The following CDC26 variants were observed in gnomAD, a reference collection of about 807,000 sequenced individuals.
CDC26 encodes the protein cell division cycle 26.
In CDC26, 2 loss-of-function variants were observed where a neutral mutation model predicts 8.0. The ratio of observed to expected loss-of-function variants is 0.25; its 90% CI spans 0.10 to 0.79. The LOEUF (loss-of-function observed/expected upper bound fraction) is 0.79. Ranked by LOEUF, CDC26 falls within the 30% of genes least tolerant of loss-of-function variation. The probability of loss-of-function intolerance (pLI) is 0.70; values close to 1 mark genes in which losing one functional copy is unlikely to be tolerated. For synonymous variants in CDC26, 19 were observed against 34.9 expected, an observed-to-expected ratio of 0.55 and a Z score of 1.60; for missense variants, 68 against 106.0, an observed-to-expected ratio of 0.64 and a Z score of 1.57.
At chr9:113,272,691 C>A in intron 2 of CDC26, 143 bp from the exon 3 acceptor site, 15 of 354,884 alleles carry the variant, frequency 4.2e-5, no homozygotes, top group East Asian at 1.9e-4. Context: ...CTTCTAAAGT[C>A]TTTTTTTTTT....
chr9:113,269,071 A>G (rs1831911086), intron 3 of CDC26, among the ~76,000 whole-genome samples: 1 of 152,092 alleles, frequency 6.6e-6, no homozygotes, highest in African/African-American at 2.4e-5. Flanking sequence ...AAATTTAAAA[A>G]TTAGCCAGGC....
At position 113,275,535 on chromosome 9, in the gene CDC26, G is replaced by C. The variant is rs1042429439; in HGVS notation, c.-305C>G. On this transcript the variant is annotated 5_prime_UTR_variant, in exon 1 of 4. Transcript: ENST00000374206. ...CGAGCTTTTCCTGGAGGTTCTAGGA[G>C]GGATGCCCCTCAATGCCACGACGCC... is the stretch of plus-strand genomic sequence containing the variant. The C allele has an allele frequency of 7.4e-6, 4 of 541,854 alleles. No homozygotes were observed. Among genetic ancestry groups the C allele is most frequent in the Non-Finnish European group, 1.3e-5 (4 of 304,272 alleles). 33.6% of individuals were successfully genotyped at this position (541,854 alleles called of 1,614,324 possible).
At chr9:113,268,341 G>C (rs1831897169) in intron 3 of CDC26, among the ~76,000 whole-genome samples, 1 of 152,186 alleles carries the variant, frequency 6.6e-6, no homozygotes, top group Admixed American at 6.5e-5. Flanking sequence ...AAAGGTCTGG[G>C]TTTTGTGGCT....
chr9:113,273,789 G>A (rs952288950), intron 1 of CDC26, among the ~76,000 whole-genome samples: 82 of 132,846 alleles, frequency 6.2e-4, no homozygotes, highest in African/African-American at 1.6e-3. Context: ...GGTTGCCACC[G>A]TGAGCCATGA....
At chr9:113,272,615 C>A in intron 2 of CDC26, 67 bp from the exon 3 acceptor site, 3 of 766,034 alleles carry the variant, frequency 3.9e-6, no homozygotes, top group South Asian at 1.5e-5. Context: ...AACATAAAAT[C>A]AATTTGCAAG....
intron 3 of CDC26, among the ~76,000 whole-genome samples, chr9:113,270,524 G>A (rs1277865332): frequency 6.6e-6 from 1 of 152,144 alleles, no homozygotes; most frequent in African/African-American, 2.4e-5. Context: ...AAAAAATATG[G>A]TGCTTTGTGA....
chr9:113,272,400 C>CA (rs1355251325), intron 3 of CDC26, 27 bp downstream of exon 3: 4 of 1,567,570 alleles, frequency 2.6e-6, no homozygotes, highest in Non-Finnish European at 3.5e-6. Flanking sequence ...GACTCCATCT[C>CA]AAAAAAACAC....
chr9:113,270,481 A>T (rs1588002095), intron 3 of CDC26, among the ~76,000 whole-genome samples: 4 of 126,100 alleles, frequency 3.2e-5, no homozygotes, highest in South Asian at 5.7e-4. Context: ...ATTTTACAAT[A>T]AAAAAAATTG....
chr9:113,273,889 C>T (rs1832005137), intron 1 of CDC26, among the ~76,000 whole-genome samples: 1 of 145,288 alleles, frequency 6.9e-6, no homozygotes, highest in African/African-American at 2.5e-5. Flanking sequence ...CAAGGTAATA[C>T]TATGTTAACA....
intron 2 of CDC26, among the ~76,000 whole-genome samples, chr9:113,273,122 G>A (rs1831986075): frequency 6.6e-6 from 1 of 152,152 alleles, no homozygotes. Flanking sequence ...AGAAATTCTA[G>A]GCAACCATCA....
chr9:113,275,043 C>A (rs1046774215), intron 1 of CDC26, among the ~76,000 whole-genome samples: 2 of 152,100 alleles, frequency 1.3e-5, no homozygotes, highest in Admixed American at 6.5e-5. Context: ...GAAGACAAAT[C>A]AACAAAATCA....
intron 3 of CDC26, among the ~76,000 whole-genome samples, chr9:113,268,330 A>G (rs558680093): frequency 6.6e-6 from 1 of 152,366 alleles, no homozygotes; most frequent in East Asian, 1.9e-4. Context: ...CTATCTTATC[A>G]AAAGGTCTGG....
At chr9:113,271,211 G>A (rs1157409903) in intron 3 of CDC26, among the ~76,000 whole-genome samples, 2 of 152,156 alleles carry the variant, frequency 1.3e-5, no homozygotes, top group African/African-American at 2.4e-5. Context: ...TGGAAGGGAC[G>A]ACTGGTTCAA....
chr9:113,268,165 G>A (rs568085636), intron 3 of CDC26, among the ~76,000 whole-genome samples: 77 of 152,246 alleles, frequency 5.1e-4, no homozygotes, highest in African/African-American at 1.7e-3. Context: ...GCTACAATTG[G>A]AAAGCTGTAA....
At chr9:113,267,964 C>A (rs1486697513) in intron 3 of CDC26, among the ~76,000 whole-genome samples, 2 of 151,958 alleles carry the variant, frequency 1.3e-5, no homozygotes, top group African/African-American at 4.8e-5. Context: ...TCCAGCCTGG[C>A]GACAGAGCGA....
chr9:113,268,684 A>G (rs1831903523), intron 3 of CDC26, among the ~76,000 whole-genome samples: 1 of 152,170 alleles, frequency 6.6e-6, no homozygotes, highest in African/African-American at 2.4e-5. Flanking sequence ...TGGGAGGCCA[A>G]GGCGGAGGAT....
intron 3 of CDC26, among the ~76,000 whole-genome samples, chr9:113,269,211 G>A (rs1207313981): frequency 6.6e-6 from 1 of 151,092 alleles, no homozygotes; most frequent in African/African-American, 2.4e-5. Flanking sequence ...GACAGAGCAA[G>A]ACCCTGTCTC....
At position 113,272,601 on chromosome 9, in the gene CDC26, A is replaced by G. The variant is rs528069266; in HGVS notation, c.-41-53T>C. 108 of 869,732 alleles carry G rather than the reference A, an allele frequency of 1.2e-4. No individual in the cohort carries two copies. In the African/African-American group the frequency reaches 1.4e-3, roughly 12 times the overall value. 53.9% of individuals were successfully genotyped at this position (869,732 alleles called of 1,614,324 possible). A position where few individuals can be genotyped will look rare whatever the true frequency, so the allele number is the denominator to read the frequency against. The stretch of plus-strand genomic sequence containing the variant: ...ATCTGAAGGTGATAAAGTCTCAGAT[A>G]CAAAACATAAAATCAATTTGCAAGC... On this transcript the variant is annotated intron_variant, in intron 2 of 3. Transcript: ENST00000374206.
intron 3 of CDC26, among the ~76,000 whole-genome samples, chr9:113,271,515 G>T (rs1831956502): frequency 6.6e-6 from 1 of 152,130 alleles, no homozygotes; most frequent in Non-Finnish European, 1.5e-5. Context: ...GAGTGATACA[G>T]TCATGAGTCA....
Sources: gnomAD v4.1 joint callset for allele counts (sites outside exome capture counted in the v4.1 genomes callset) on GRCh38, gnomAD v4.1.1 for gene constraint, MANE v1.5 for transcripts, NCBI Gene and HGNC (gene_info 2026-07-23, HGNC 2026-07-21) for gene names.